The following SLC12A6 variants were observed in gnomAD, a reference collection of about 807,000 sequenced individuals.
SLC12A6 encodes the protein K-Cl cotransporter 3.
SLC12A6 carries 66 observed loss-of-function variants against 135.3 expected under a neutral mutation model. The ratio of observed to expected loss-of-function variants is 0.49; its 90% CI spans 0.40 to 0.60. The LOEUF is 0.60. Ranked by LOEUF, SLC12A6 falls within the 20% of genes least tolerant of loss-of-function variation. The pLI, the probability that SLC12A6 is intolerant of heterozygous loss-of-function variation, is 0.00. For synonymous variants in SLC12A6, 513 were observed against 508.8 expected (o/e 1.01, Z -0.11); for missense variants, 1,058 against 1,452.3 (o/e 0.73, Z 4.41).
chr15:34,336,929 C>T, intron 1 of SLC12A6, 177 bp from the exon 2 acceptor site: 1 of 546,918 alleles, frequency 1.8e-6, no homozygotes, highest in Non-Finnish European at 3.3e-6. Flanking sequence ...AACAAAAAGA[C>T]AAAACAATGC....
At chr15:34,312,900 G>T (rs564021001) in intron 2 of SLC12A6, among the ~76,000 whole-genome samples, 1 of 152,208 alleles carries the variant, frequency 6.6e-6, no homozygotes, top group East Asian at 1.9e-4. Flanking sequence ...TATTGAAATT[G>T]CTGTTACTAT....
chr15:34,286,653 G>A (rs1363128541), intron 2 of SLC12A6, among the ~76,000 whole-genome samples: 1 of 151,942 alleles, frequency 6.6e-6, no homozygotes, highest in African/African-American at 2.4e-5. Context: ...AAAATTAGCT[G>A]GGTGTGGTGA....
intron 2 of SLC12A6, among the ~76,000 whole-genome samples, chr15:34,289,956 T>C (rs1242270681): frequency 1.3e-5 from 2 of 152,172 alleles, no homozygotes; most frequent in Admixed American, 6.5e-5. Context: ...TTTTAAGGGA[T>C]TTTGTGTCCC....
At chr15:34,265,805 A>G (rs1403722843) in intron 3 of SLC12A6, among the ~76,000 whole-genome samples, 1 of 152,204 alleles carries the variant, frequency 6.6e-6, no homozygotes, top group Non-Finnish European at 1.5e-5. Flanking sequence ...ATTTTAAAAG[A>G]TCCTAAAGCA....
chr15:34,268,065 A>C (rs1054198759), intron 3 of SLC12A6, among the ~76,000 whole-genome samples: 3 of 152,182 alleles, frequency 2.0e-5, no homozygotes, highest in African/African-American at 7.2e-5. Flanking sequence ...ACTCAGGACC[A>C]TGTCATTTCT....
At chr15:34,277,634 AG>A (rs1303400750) in intron 2 of SLC12A6, among the ~76,000 whole-genome samples, 1 of 152,200 alleles carries the variant, frequency 6.6e-6, no homozygotes, top group Non-Finnish European at 1.5e-5. Flanking sequence ...TTTTAGAACT[AG>A]AAGAACCTTG....
chr15:34,279,845 A>T (rs144061738), intron 2 of SLC12A6, among the ~76,000 whole-genome samples: 36 of 152,348 alleles, frequency 2.4e-4, no homozygotes, highest in Admixed American at 6.5e-4. Flanking sequence ...CAAACTATAT[A>T]CCTATTAAAA....
In SLC12A6 at chr15:34,267,713, T is replaced by C. The variant is rs186651635; in HGVS notation, c.317-6693A>G. Among the ~76,000 whole-genome samples, 9 of 152,302 alleles carry C rather than the reference T, an allele frequency of 5.9e-5. No individual in the cohort carries two copies. The East Asian group carries it at 1.7e-3, about 29-fold the overall frequency. ...AATTTTTGTGTACACTTATTTGTGT[T>C]TTCTGGCTTGTAACTTTGTGTTTTG... On this transcript the variant is annotated intron_variant, in intron 3 of 25. Coordinates refer to ENST00000354181, the MANE Select transcript of SLC12A6 (RefSeq NM_001365088.1).
chr15:34,261,035 G>A lies in SLC12A6; in HGVS notation c.317-15C>T, dbSNP rs762929825. ...ATGTCCGTCGTCTGGAAAAAAAAAA[G>A]TAGACCAAGTTAGTTTCTCACTGGT... On this transcript the variant is annotated splice_polypyrimidine_tract_variant and intron_variant, in intron 3 of 25. Transcript: ENST00000354181. The A allele has an allele frequency of 8.2e-5, 104 of 1,266,084 alleles. No individual in the cohort carries two copies. Among genetic ancestry groups the A allele is most frequent in the Non-Finnish European group, 1.1e-4 (99 of 863,250 alleles). The allele number at this position is 1,266,084 out of a possible 1,614,324, so 78.4% of individuals were successfully genotyped here. A position where few individuals can be genotyped will look rare whatever the true frequency, so the allele number is the denominator to read the frequency against.
At chr15:34,263,780 AAC>A (rs1893316476) in intron 3 of SLC12A6, among the ~76,000 whole-genome samples, 2 of 152,214 alleles carry the variant, frequency 1.3e-5, no homozygotes, top group Admixed American at 1.3e-4. Context: ...GGGCTTGAGA[AAC>A]AGTCAATAAA....
intron 2 of SLC12A6, among the ~76,000 whole-genome samples, chr15:34,276,210 C>G (rs1894287165): frequency 6.6e-6 from 1 of 152,052 alleles, no homozygotes; most frequent in Non-Finnish European, 1.5e-5. Flanking sequence ...AAGGATGATT[C>G]AGGATTGTGA....
intron 4 of SLC12A6, among the ~76,000 whole-genome samples, chr15:34,260,071 C>A (rs1259907530): frequency 6.6e-6 from 1 of 152,084 alleles, no homozygotes; most frequent in Non-Finnish European, 1.5e-5. Flanking sequence ...CTAAGAAAGT[C>A]AAATTCAAAT....
At chr15:34,241,053 C>A in intron 18 of SLC12A6, 180 bp downstream of exon 18, 1 of 655,472 alleles carries the variant, frequency 1.5e-6, no homozygotes, top group Non-Finnish European at 2.7e-6. Flanking sequence ...TTGTAGAAAT[C>A]TTGATCATAA....
intron 3 of SLC12A6, among the ~76,000 whole-genome samples, chr15:34,271,631 A>C (rs576414136): frequency 8.5e-4 from 129 of 152,158 alleles, no homozygotes; most frequent in African/African-American, 2.9e-3. Flanking sequence ...ACACACACAG[A>C]AAAGTTCATA....
intron 2 of SLC12A6, among the ~76,000 whole-genome samples, chr15:34,294,859 A>G (rs777224889): frequency 1.3e-5 from 2 of 152,214 alleles, no homozygotes; most frequent in Non-Finnish European, 2.9e-5. Context: ...CCAGCCTTAA[A>G]TAAGTGTTTA....
At chr15:34,318,314 T>C (rs1888794706) in intron 2 of SLC12A6, among the ~76,000 whole-genome samples, 1 of 152,334 alleles carries the variant, frequency 6.6e-6, no homozygotes, top group African/African-American at 2.4e-5. Context: ...TCTTCAAACA[T>C]TGCCACTGAT....
chr15:34,260,561 T>C (rs1390246848), intron 4 of SLC12A6, among the ~76,000 whole-genome samples: 1 of 152,128 alleles, frequency 6.6e-6, no homozygotes, highest in Non-Finnish European at 1.5e-5. Context: ...CCCGGCCTTG[T>C]TTAGTTAGTT....
chr15:34,252,772 T>G (rs1378280439), intron 9 of SLC12A6, among the ~76,000 whole-genome samples: 2 of 152,246 alleles, frequency 1.3e-5, no homozygotes, highest in African/African-American at 4.8e-5. Flanking sequence ...TCTTCCAAAA[T>G]TTTTGGCTAA....
intron 2 of SLC12A6, among the ~76,000 whole-genome samples, chr15:34,316,611 T>A (rs1371890390): frequency 6.6e-6 from 1 of 152,210 alleles, no homozygotes; most frequent in East Asian, 1.9e-4. Context: ...TTAGATTATA[T>A]CTGTCACTTC....
Sources: allele counts gnomAD v4.1 joint callset (sites outside exome capture counted in the v4.1 genomes callset), GRCh38; gene constraint gnomAD v4.1.1; transcripts MANE v1.5; gene names NCBI Gene and HGNC (gene_info 2026-07-23, HGNC 2026-07-21).